Variants in F2R observed in about 807,000 individuals in gnomAD.
F2R encodes the protein proteinase-activated receptor 1.
In F2R, 12 loss-of-function variants were observed where a neutral mutation model predicts 18.3. The observed-to-expected ratio is 0.66, with a 90% CI of 0.42 to 1.06. The LOEUF is 1.06. F2R is among the 50% of genes least tolerant of loss of function. The pLI is 0.00. For synonymous variants in F2R, 210 were observed against 219.9 expected (o/e 0.95, Z 0.40); for missense variants, 438 against 530.8 (o/e 0.83, Z 1.72).
At chr5:76,716,790 TGGCG>T in intron 1 of F2R, 1 of 526,266 alleles carries the variant, frequency 1.9e-6, no homozygotes, top group South Asian at 2.6e-5. Context: ...AAATATAAAG[TGGCG>T]AACCGCTGCC....
chr5:76,716,350 C>A lies in F2R; in HGVS notation c.43C>A (p.Leu15Met). The change falls in exon 1 of 2, where the codon CTG (leucine) becomes ATG (methionine). Residue 15 changes from leucine to methionine, a missense_variant. By Grantham distance (15) the Leu-to-Met change is conservative. Coordinates refer to ENST00000319211, the MANE Select transcript of F2R (RefSeq NM_001992.5). ...GCTGCTGGTGGCCGCCTGCTTCAGT[C>A]TGTGCGGCCCGCTGTTGTCTGCCCG... ...RLLLVAACFS[L>M]CGPLLSARTR... The A allele has an allele frequency of 6.9e-7, 1 of 1,455,082 alleles. No homozygotes were observed. Among genetic ancestry groups the A allele is most frequent in the Non-Finnish European group, 9.0e-7 (1 of 1,105,110 alleles). 90.1% of individuals were successfully genotyped at this position (1,455,082 alleles called of 1,614,324 possible).
chr5:76,733,506 A>G lies in F2R; in HGVS notation c.*3A>G. On this transcript the variant is annotated 3_prime_UTR_variant, in exon 2 of 2. Transcript: ENST00000319211. ...TATACAAAAAGCTGTTAACTTAGGA[A>G]AAGGGACTGCTGGGAGGTTAAAAAG... is the stretch of plus-strand genomic sequence containing the variant. 1 of 1,601,030 alleles carries G rather than the reference A, an allele frequency of 6.2e-7. No homozygotes were observed. The highest frequency in any genetic ancestry group is 1.3e-5 in the African/African-American group (1 of 74,388).
At chr5:76,720,295 G>A (rs1205483484) in intron 1 of F2R, among the ~76,000 whole-genome samples, 1 of 151,982 alleles carries the variant, frequency 6.6e-6, no homozygotes, top group East Asian at 1.9e-4. Context: ...TTAAAAAGTA[G>A]CCAGGCACTG....
Position 76,716,292 on chromosome 5 carries a change from C to T in F2R, c.-16C>T, listed in dbSNP as rs1450236913. 1.3e-5 allele frequency: 18 copies of T among 1,362,586 alleles called. No homozygotes were observed. Among genetic ancestry groups the T allele is most frequent in the African/African-American group, 3.1e-5 (2 of 65,404 alleles). 84.4% of individuals were successfully genotyped at this position (1,362,586 alleles called of 1,614,324 possible). A position where few individuals can be genotyped will look rare whatever the true frequency, so the allele number is the denominator to read the frequency against. ...GGGGCAGCCTCCCGGAGCAGCGCCG[C>T]GCAGAGCCCGGGACAATGGGGCCGC... On this transcript the variant is annotated 5_prime_UTR_variant, in exon 1 of 2. Transcript: ENST00000319211.
chr5:76,716,953 C>A (rs1425570874), intron 1 of F2R, among the ~76,000 whole-genome samples: 1 of 152,092 alleles, frequency 6.6e-6, no homozygotes. Flanking sequence ...CCAGGAGGTG[C>A]GCAGGGTGCG....
chr5:76,730,286 A>G (rs1035369319), intron 1 of F2R, among the ~76,000 whole-genome samples: 3 of 152,190 alleles, frequency 2.0e-5, no homozygotes, highest in Non-Finnish European at 2.9e-5. Context: ...CAGAAGTTAT[A>G]CTGAAATTTA....
At chr5:76,727,948 T>C (rs1308062701) in intron 1 of F2R, among the ~76,000 whole-genome samples, 1 of 149,958 alleles carries the variant, frequency 6.7e-6, no homozygotes, top group Non-Finnish European at 1.5e-5. Context: ...AGTACAATGG[T>C]GTGATGATAC....
chr5:76,723,917 C>G (rs1748512034), intron 1 of F2R, among the ~76,000 whole-genome samples: 1 of 152,190 alleles, frequency 6.6e-6, no homozygotes, highest in Non-Finnish European at 1.5e-5. Context: ...CCTCCTCTCC[C>G]AACTGTATAA....
intron 1 of F2R, chr5:76,716,618 C>CA (rs1191424216): frequency 1.4e-6 from 1 of 727,716 alleles, no homozygotes. Flanking sequence ...TTGGAGGGTG[C>CA]AGCCCGCCTG....
chr5:76,719,572 GA>G (rs1464674912), intron 1 of F2R, among the ~76,000 whole-genome samples: 1 of 149,124 alleles, frequency 6.7e-6, no homozygotes, highest in Non-Finnish European at 1.5e-5. Context: ...CTGAGCAACA[GA>G]GTGAGACTCT....
intron 1 of F2R, among the ~76,000 whole-genome samples, chr5:76,720,489 A>T (rs1461526736): frequency 2.0e-5 from 3 of 152,126 alleles, no homozygotes; most frequent in Admixed American, 6.5e-5. Flanking sequence ...ATTTAAATTT[A>T]AAAAATAAAA....
At chr5:76,731,414 C>A (rs984283838) in intron 1 of F2R, among the ~76,000 whole-genome samples, 1 of 150,948 alleles carries the variant, frequency 6.6e-6, no homozygotes, top group South Asian at 2.1e-4. Flanking sequence ...GCGGAGGTTG[C>A]GGTGAGCCGA....
Position 76,732,650 on chromosome 5 carries a change from T to G in F2R, c.425T>G (p.Leu142Arg), listed in dbSNP as rs1580895319. ...KVKKPAVVYM[L>R]HLATADVLFV... The stretch of plus-strand genomic sequence containing the variant: ...AAGAAGCCGGCGGTGGTGTACATGC[T>G]GCACCTGGCCACGGCAGATGTGCTG... The change falls in exon 2 of 2, where the codon CTG (leucine) becomes CGG (arginine). Residue 142 changes from leucine (L) to arginine (R), a missense_variant. Transcript: ENST00000319211. 6.2e-7 allele frequency: 1 copy of G among 1,614,206 alleles called. No individual in the cohort carries two copies. The highest frequency in any genetic ancestry group is 2.2e-5 in the East Asian group (1 of 44,888).
intron 1 of F2R, among the ~76,000 whole-genome samples, chr5:76,729,753 C>T (rs867786969): frequency 3.9e-5 from 6 of 152,190 alleles, no homozygotes; most frequent in African/African-American, 9.6e-5. Context: ...CTGGTGATAA[C>T]GATTTGGCTC....
intron 1 of F2R, among the ~76,000 whole-genome samples, chr5:76,725,739 A>G (rs969608727): frequency 6.6e-6 from 1 of 152,332 alleles, no homozygotes; most frequent in South Asian, 2.1e-4. Flanking sequence ...AAGGGATTAT[A>G]CATTCTTCCT....
rs898617850 is a variant in F2R, at chr5:76,735,128, GA to G, written c.*1631del. ...GGTTGAAACATATCTCTTATCTTAC[GA>G]AAAAATGGTAGCATTTTAAACAAAA... is the stretch of plus-strand genomic sequence containing the variant. On this transcript the variant is annotated 3_prime_UTR_variant, in exon 2 of 2. Coordinates refer to ENST00000319211, the MANE Select transcript of F2R (RefSeq NM_001992.5). 3 of 152,104 alleles carry G rather than the reference GA, an allele frequency of 2.0e-5. No homozygotes were observed. Among genetic ancestry groups the G allele is most frequent in the Non-Finnish European group, 1.5e-5 (1 of 67,990 alleles). 9.4% of individuals were successfully genotyped at this position (152,104 alleles called of 1,614,324 possible). A position where few individuals can be genotyped will look rare whatever the true frequency, so the allele number is the denominator to read the frequency against.
intron 1 of F2R, among the ~76,000 whole-genome samples, chr5:76,721,713 G>C (rs758733381): frequency 1.3e-5 from 2 of 152,198 alleles, no homozygotes; most frequent in Non-Finnish European, 2.9e-5. Context: ...TTCTGATATG[G>C]TAGGGATGTG....
rs1182360302 is a variant in F2R, at chr5:76,735,120, T to A, written c.*1617T>A. ...GGAAATTAGGTTGAAACATATCTCT[T>A]ATCTTACGAAAAAATGGTAGCATTT... is the stretch of plus-strand genomic sequence containing the variant. On this transcript the variant is annotated 3_prime_UTR_variant, in exon 2 of 2. Transcript: ENST00000319211. The A allele has an allele frequency of 1.3e-5, 2 of 151,470 alleles. No individual in the cohort carries two copies. The highest frequency in any genetic ancestry group is 2.9e-5 in the Non-Finnish European group (2 of 68,034). The allele number at this position is 151,470 out of a possible 1,614,324, so 9.4% of individuals were successfully genotyped here.
intron 1 of F2R, 93 bp from the exon 2 acceptor site, chr5:76,732,221 A>G: frequency 9.9e-7 from 1 of 1,008,228 alleles, no homozygotes; most frequent in Non-Finnish European, 1.4e-6. Context: ...AAGAAAACAT[A>G]AACAAAAGTA....
Sources: gnomAD v4.1 joint callset for allele counts (sites outside exome capture counted in the v4.1 genomes callset) on GRCh38, gnomAD v4.1.1 for gene constraint, MANE v1.5 for transcripts, NCBI Gene and HGNC (gene_info 2026-07-23, HGNC 2026-07-21) for gene names.